HERC3: variants seen among roughly 807,000 people sequenced by gnomAD.
HERC3 encodes the protein probable E3 ubiquitin-protein ligase HERC3.
Under a neutral mutation model 129.9 loss-of-function variants are expected in HERC3, and 58 were observed. The observed-to-expected ratio is 0.45, with a 90% CI of 0.36 to 0.56. HERC3 has a LOEUF of 0.56. HERC3 is among the 20% of genes least tolerant of loss of function. HERC3 has a pLI of 0.00. For synonymous variants in HERC3, 430 were observed against 451.0 expected (o/e 0.95, Z 0.59); for missense variants, 835 against 1,244.2 (o/e 0.67, Z 4.95).
At chr4:88,664,309 T>A in intron 12 of HERC3, 97 bp downstream of exon 12, 1 of 1,011,374 alleles carries the variant, frequency 9.9e-7, no homozygotes, top group Non-Finnish European at 1.5e-6. Flanking sequence ...TTTAGGAGTT[T>A]GGGGCTTTAG....
chr4:88,622,039 A>G (rs72882940), intron 3 of HERC3, among the ~76,000 whole-genome samples: 13,594 of 152,202 alleles, frequency 0.089, 891 homozygotes, highest in South Asian at 0.23. Flanking sequence ...GTACAATTCA[A>G]TGGTTTTTAG....
chr4:88,555,924 G>A, the HERC3 span, among the ~76,000 whole-genome samples: 3 of 152,298 alleles, frequency 2.0e-5, no homozygotes, highest in South Asian at 6.2e-4. Context: ...TGAGAGAATA[G>A]ACTGGATTGA....
intron 20 of HERC3, chr4:88,680,947 G>C (rs936485160): frequency 2.2e-6 from 2 of 898,144 alleles, no homozygotes; most frequent in African/African-American, 3.6e-5. Flanking sequence ...GCTGTTCTCT[G>C]TATCACTAGG....
the HERC3 span, among the ~76,000 whole-genome samples, chr4:88,549,330 A>C: frequency 6.6e-6 from 1 of 151,774 alleles, no homozygotes; most frequent in African/African-American, 2.4e-5. Flanking sequence ...TAAAAAAAAA[A>C]ACAGCATTTT....
intron 21 of HERC3, 138 bp downstream of exon 21, chr4:88,681,463 T>A: frequency 1.4e-6 from 1 of 709,992 alleles, no homozygotes. Context: ...GTGTTTTGTC[T>A]AAGATGTAGC....
intron 23 of HERC3, chr4:88,697,743 C>G (rs772088874): frequency 1.2e-6 from 2 of 1,608,230 alleles, no homozygotes; most frequent in Non-Finnish European, 1.7e-6. Context: ...CCTGGTTTTC[C>G]GAGTCGGCCA....
chr4:88,607,098 T>C (rs542126876), intron 3 of HERC3, among the ~76,000 whole-genome samples: 5 of 152,260 alleles, frequency 3.3e-5, no homozygotes, highest in East Asian at 1.9e-4. Context: ...GTCTGTGTTA[T>C]GTAAGTTGAA....
chr4:88,681,964 A>G (rs1001396764), intron 21 of HERC3, among the ~76,000 whole-genome samples: 2 of 152,224 alleles, frequency 1.3e-5, no homozygotes, highest in Admixed American at 6.5e-5. Flanking sequence ...TGCAAATACT[A>G]TAATTTTGAT....
intron 24 of HERC3, 50 bp downstream of exon 24, chr4:88,704,331 A>G: frequency 6.3e-7 from 1 of 1,575,366 alleles, no homozygotes; most frequent in Non-Finnish European, 8.7e-7. Context: ...AAGCAGCAGC[A>G]GCCTGGGGAG....
chr4:88,555,878 C>A, the HERC3 span, among the ~76,000 whole-genome samples: 1 of 151,988 alleles, frequency 6.6e-6, no homozygotes, highest in East Asian at 1.9e-4. Flanking sequence ...TGTTAAGCTC[C>A]AGTGAGAAGC....
chr4:88,580,086 C>T, the HERC3 span, among the ~76,000 whole-genome samples: 1 of 149,786 alleles, frequency 6.7e-6, no homozygotes, highest in Non-Finnish European at 1.5e-5. Context: ...GTTACAGCAG[C>T]AATAGGAAAC....
intron 3 of HERC3, among the ~76,000 whole-genome samples, chr4:88,615,033 T>C (rs2149210484): frequency 6.6e-6 from 1 of 152,330 alleles, no homozygotes; most frequent in East Asian, 1.9e-4. Context: ...ACACACATTA[T>C]AAGGTTCACA....
the HERC3 span, among the ~76,000 whole-genome samples, chr4:88,567,690 T>G: frequency 2.6e-5 from 4 of 152,196 alleles, no homozygotes; most frequent in Non-Finnish European, 5.9e-5. Flanking sequence ...TTCTTAATTC[T>G]TCCTCTATGT....
chr4:88,545,200 A>C, the HERC3 span, among the ~76,000 whole-genome samples: 1 of 152,062 alleles, frequency 6.6e-6, no homozygotes. Context: ...CTTTCACATT[A>C]CATGCCTGCA....
At chr4:88,533,311 G>T in the HERC3 span, among the ~76,000 whole-genome samples, 1 of 152,074 alleles carries the variant, frequency 6.6e-6, no homozygotes, top group Non-Finnish European at 1.5e-5. Context: ...ATGAGTCTGC[G>T]TCTCCCAGTC....
chr4:88,633,878 A>G (rs1261175168), intron 3 of HERC3, among the ~76,000 whole-genome samples: 3 of 152,246 alleles, frequency 2.0e-5, no homozygotes, highest in Non-Finnish European at 2.9e-5. Context: ...TAAAGCTTAA[A>G]GTAGGCAAAG....
intron 2 of HERC3, among the ~76,000 whole-genome samples, chr4:88,595,841 C>CTTTTTT (rs532515500): frequency 2.5e-5 from 2 of 80,250 alleles, no homozygotes; most frequent in Non-Finnish European, 4.7e-5. Flanking sequence ...GCACTTAATT[C>CTTTTTT]TTTTTTTTTT....
At chr4:88,599,047 A>C (rs531332066) in intron 2 of HERC3, among the ~76,000 whole-genome samples, 2 of 152,212 alleles carry the variant, frequency 1.3e-5, no homozygotes, top group African/African-American at 4.8e-5. Context: ...AGGAGCAAGC[A>C]AGAGAGTGAA....
intron 3 of HERC3, among the ~76,000 whole-genome samples, chr4:88,646,104 A>G (rs943056875): frequency 1.3e-5 from 2 of 152,162 alleles, no homozygotes; most frequent in African/African-American, 2.4e-5. Context: ...AGTTCCACCA[A>G]TCATTAGTTG....
Sources: allele counts gnomAD v4.1 joint callset (sites outside exome capture counted in the v4.1 genomes callset), GRCh38; gene constraint gnomAD v4.1.1; transcripts MANE v1.5; gene names NCBI Gene and HGNC (gene_info 2026-07-23, HGNC 2026-07-21).